Variants in VWF observed in about 807,000 individuals in gnomAD.
VWF encodes von Willebrand factor.
A neutral mutation model predicts 308.6 loss-of-function variants in VWF; 176 were observed. That is an observed-to-expected ratio of 0.57 (90% CI 0.50 to 0.65). The LOEUF is 0.65. Among genes scored for constraint, VWF ranks in the 30% least tolerant of loss-of-function variants. The pLI is 0.00. For synonymous variants in VWF, 1,385 were observed against 1,443.4 expected, an observed-to-expected ratio of 0.96 and a Z score of 0.92; for missense variants, 3,146 against 3,648.2, an observed-to-expected ratio of 0.86 and a Z score of 3.55.
intron 43 of VWF, 107 bp from the exon 44 acceptor site, chr12:5,971,816 C>T: frequency 2.1e-6 from 2 of 963,392 alleles, no homozygotes; most frequent in Admixed American, 1.9e-5. Context: ...CAAGTGATCA[C>T]TGGTCTGGGC....
At position 6,075,575 on chromosome 12, in the gene VWF, G is replaced by A. The variant is rs1944833582; in HGVS notation, c.658-24C>T. The stretch of plus-strand genomic sequence containing the variant: ...CCCTGCAGGAAGAGGGGCCGCCTCA[G>A]CGGTATGCTCCGTTAGTGTCTCCCT... On this transcript the variant is annotated intron_variant, in intron 6 of 51. Transcript: ENST00000261405. This position sits in a 1 kb window ranked among gnomAD's most constrained non-coding sequence, Gnocchi z 4.7. 5 of 1,605,714 alleles carry A rather than the reference G, an allele frequency of 3.1e-6. No homozygotes were observed. Among genetic ancestry groups the A allele is most frequent in the Non-Finnish European group, 4.3e-6 (5 of 1,176,104 alleles).
chr12:6,084,776 T>G (rs114417752), intron 6 of VWF, among the ~76,000 whole-genome samples: 2,160 of 152,132 alleles, frequency 0.014, 53 homozygotes, highest in African/African-American at 0.049. Flanking sequence ...CCCTGGTAGG[T>G]ATGGAGGCGC....
Position 6,058,138 on chromosome 12 carries a change from G to A in VWF, c.1534-94C>T, listed in dbSNP as rs1944611144. Reference sequence around the variant, plus strand: ...AGATGGTTTTAATAAAAAAAAAAAAGTTCCCCGGGTGAAACATAAATATGA... The same window carrying A: ...AGATGGTTTTAATAAAAAAAAAAAAATTCCCCGGGTGAAACATAAATATGA... On this transcript the variant is annotated intron_variant, in intron 13 of 51. Coordinates refer to ENST00000261405, the MANE Select transcript of VWF (RefSeq NM_000552.5). This position sits in a 1 kb window ranked among gnomAD's most constrained non-coding sequence, Gnocchi z 4.9. The A allele has an allele frequency of 8.4e-7, 1 of 1,195,338 alleles. No individual in the cohort carries two copies. Among genetic ancestry groups the A allele is most frequent in the Non-Finnish European group, 1.2e-6 (1 of 846,584 alleles). The allele number at this position is 1,195,338 out of a possible 1,614,324, so 74.0% of individuals were successfully genotyped here. A position where few individuals can be genotyped will look rare whatever the true frequency, so the allele number is the denominator to read the frequency against.
rs984529917 is a variant in VWF at position 6,075,244 on chromosome 12, C to G, written c.874+91G>C. 6.6e-6 allele frequency: 10 copies of G among 1,524,106 alleles called. No individual in the cohort carries two copies. Among genetic ancestry groups the G allele is most frequent in the Admixed American group, 5.1e-5 (3 of 58,882 alleles). The allele number at this position is 1,524,106 out of a possible 1,614,324, so 94.4% of individuals were successfully genotyped here. On this transcript the variant is annotated intron_variant, in intron 7 of 51. Transcript: ENST00000261405. This position sits in a 1 kb window ranked among gnomAD's most constrained non-coding sequence, Gnocchi z 4.7. ...GCTGGGTGTGGTAAAGCCGCACATA[C>G]GTGACACAGCCCCGAAGCACCCTAA...
At position 6,016,830 on chromosome 12, in the gene VWF, G is replaced by A. The variant is rs949738270; in HGVS notation, c.5094C>T (p.Gly1698=). The A allele has an allele frequency of 1.2e-6, 2 of 1,613,992 alleles. No individual in the cohort carries two copies. Among genetic ancestry groups the A allele is most frequent in the African/African-American group, 2.7e-5 (2 of 74,938 alleles). ...QPLDVILLLD[G]SSSFPASYFD... ...AATAAGAAGCTGGGAAACTGGAGGA[G>A]CCATCCAGGAGAAGGATCACGTCCA... is the stretch of plus-strand genomic sequence containing the variant. Residue 1698 remains glycine (G), a synonymous_variant, in exon 29 of 52, where the codon GGC becomes GGT. Transcript: ENST00000261405.
chr12:6,056,563 C>T (rs1944580649), intron 15 of VWF, among the ~76,000 whole-genome samples: 1 of 152,136 alleles, frequency 6.6e-6, no homozygotes, highest in Non-Finnish European at 1.5e-5. Context: ...TAGGTGGCAG[C>T]GGCCACGGGA....
intron 6 of VWF, among the ~76,000 whole-genome samples, chr12:6,082,128 G>A (rs1212761554): frequency 1.3e-5 from 2 of 151,834 alleles, no homozygotes; most frequent in Non-Finnish European, 2.9e-5. Flanking sequence ...CACCACGCCC[G>A]GCTAATTTTT....
intron 38 of VWF, among the ~76,000 whole-genome samples, chr12:5,990,284 ATGT>A (rs1943723626): frequency 6.6e-6 from 1 of 152,334 alleles, no homozygotes; most frequent in South Asian, 2.1e-4. Context: ...AGGATGACTG[ATGT>A]TATGAATATA....
chr12:5,966,089 C>T (rs2136352820), intron 47 of VWF, among the ~76,000 whole-genome samples: 1 of 152,190 alleles, frequency 6.6e-6, no homozygotes, highest in Admixed American at 6.5e-5. Context: ...GCGGGCCTGC[C>T]CTCCAGAGAG....
intron 16 of VWF, among the ~76,000 whole-genome samples, chr12:6,048,896 T>C (rs906141930): frequency 5.3e-5 from 8 of 152,232 alleles, no homozygotes; most frequent in Non-Finnish European, 8.8e-5. Context: ...AACTAATACC[T>C]AGTTTTAAGG....
rs778130772 is a variant in VWF at position 5,949,003 on chromosome 12, G to A, written c.*12C>T. 7 of 1,609,352 alleles carry A rather than the reference G, an allele frequency of 4.3e-6. No individual in the cohort carries two copies. Among genetic ancestry groups the A allele is most frequent in the Middle Eastern group, 1.8e-4 (1 of 5,612 alleles). On this transcript the variant is annotated 3_prime_UTR_variant, in exon 52 of 52. Transcript: ENST00000261405. ...GCAGGCAGCAGCAGGCACCCATGCA[G>A]CTGCAGCAGCCTCACTTGCTGCACT...
intron 26 of VWF, among the ~76,000 whole-genome samples, chr12:6,022,268 C>T (rs994840176): frequency 6.6e-6 from 1 of 152,070 alleles, no homozygotes; most frequent in African/African-American, 2.4e-5. Flanking sequence ...CTCACCTCCC[C>T]AAGCCTCAGG....
At chr12:6,121,055 T>C in intron 3 of VWF, 119 bp downstream of exon 3, 1 of 1,389,630 alleles carries the variant, frequency 7.2e-7, no homozygotes. Flanking sequence ...CCTCTCCTTG[T>C]TCTCAGCAGT....
intron 5 of VWF, among the ~76,000 whole-genome samples, chr12:6,105,804 A>G (rs370117009): frequency 1.3e-5 from 2 of 152,072 alleles, no homozygotes; most frequent in South Asian, 4.2e-4. Context: ...TGGGAGGCCA[A>G]GGTGGGCAGA....
At chr12:6,097,794 T>C (rs2136503488) in intron 5 of VWF, among the ~76,000 whole-genome samples, 1 of 152,336 alleles carries the variant, frequency 6.6e-6, no homozygotes, top group Non-Finnish European at 1.5e-5. Flanking sequence ...ATTTGTGGCA[T>C]GTTGACTGTG....
chr12:6,052,688 C>T lies in VWF; in HGVS notation c.2041G>A (p.Glu681Lys), dbSNP rs757532502. The T allele has an allele frequency of 6.2e-7, 1 of 1,614,232 alleles. No individual in the cohort carries two copies. The highest frequency in any genetic ancestry group is 1.7e-5 in the Admixed American group (1 of 60,028). The change falls in exon 16 of 52, where the codon GAG becomes AAG. Residue 681 changes from glutamate (E) to lysine (K), a missense_variant. Physicochemically the swap from Glu to Lys is moderately conservative, Grantham distance 56. This residue lies in a region of VWF where 1,304 missense variants were observed against 1,353.0 expected (regional missense o/e 0.96). Transcript: ENST00000261405. ...SLSYPDEECN[E>K]ACLEGCFCPP... ...CAGAAGCAGCCCTCCAGGCAGGCCT[C>T]ATTGCATTCCTCATCCGGGTAAGAG...
chr12:6,072,509 G>T, intron 8 of VWF, 67 bp from the exon 9 acceptor site: 2 of 1,302,630 alleles, frequency 1.5e-6, no homozygotes, highest in Admixed American at 1.8e-5. Context: ...CACAACTATA[G>T]AATCCCCAGG....
intron 47 of VWF, among the ~76,000 whole-genome samples, chr12:5,961,589 C>CAA (rs71445686): frequency 0.22 from 27,454 of 124,460 alleles, 3,281 homozygotes; most frequent in Non-Finnish European, 0.28. Context: ...TCTGCCCCCT[C>CAA]AAAAAAAAAA....
chr12:6,087,666 G>A (rs115312657), intron 6 of VWF, among the ~76,000 whole-genome samples: 1,603 of 151,904 alleles, frequency 0.011, 35 homozygotes, highest in African/African-American at 0.035. Context: ...GCCTGGCCAA[G>A]ATTTAACTCT....
Sources: allele counts gnomAD v4.1 joint callset (sites outside exome capture counted in the v4.1 genomes callset), GRCh38; gene constraint gnomAD v4.1.1; regional missense constraint gnomAD v4.1.1; non-coding constraint Gnocchi (gnomAD v3.1); transcripts MANE v1.5; gene names NCBI Gene and HGNC (gene_info 2026-07-23, HGNC 2026-07-21).